The following C12orf42 variants were observed in gnomAD, a reference collection of about 807,000 sequenced individuals.
C12orf42 encodes the protein uncharacterized protein C12orf42.
In C12orf42, 25 loss-of-function variants were observed where a neutral mutation model predicts 21.6. That is an observed-to-expected ratio of 1.16 (90% confidence interval 0.84 to 1.62). C12orf42 has a LOEUF of 1.62. C12orf42 is among the 40% of genes most tolerant of loss of function. The pLI is 0.00. For missense variants in C12orf42, 483 were observed against 459.3 expected (o/e 1.05, Z -0.47); for synonymous variants, 174 against 175.0 (o/e 0.99, Z 0.05).
At chr12:103,054,898 C>T in the C12orf42 span, among the ~76,000 whole-genome samples, 6 of 151,852 alleles carry the variant, frequency 4.0e-5, no homozygotes, top group African/African-American at 1.4e-4. Context: ...AATATTGAAC[C>T]AGCCTTGCAT....
chr12:103,114,216 T>A, the C12orf42 span, among the ~76,000 whole-genome samples: 1 of 152,250 alleles, frequency 6.6e-6, no homozygotes, highest in African/African-American at 2.4e-5. Context: ...TTGACAGGTT[T>A]AAAATGTTCA....
At chr12:103,361,509 A>G (rs910137511) in intron 4 of C12orf42, among the ~76,000 whole-genome samples, 1 of 152,060 alleles carries the variant, frequency 6.6e-6, no homozygotes, top group Non-Finnish European at 1.5e-5. Flanking sequence ...TTCCAACCCA[A>G]TGCGAAATCT....
At chr12:103,410,868 A>G (rs2048791378) in intron 2 of C12orf42, among the ~76,000 whole-genome samples, 1 of 152,200 alleles carries the variant, frequency 6.6e-6, no homozygotes, top group South Asian at 2.1e-4. Flanking sequence ...AAGAGAAATC[A>G]ACGGTTACTG....
At chr12:103,408,002 T>C (rs190370112) in intron 2 of C12orf42, among the ~76,000 whole-genome samples, 149 of 152,268 alleles carry the variant, frequency 9.8e-4, no homozygotes, top group African/African-American at 3.4e-3. Flanking sequence ...ATCATCATCA[T>C]AGTAACAATG....
At chr12:103,104,540 A>G in the C12orf42 span, among the ~76,000 whole-genome samples, 1 of 152,164 alleles carries the variant, frequency 6.6e-6, no homozygotes, top group Non-Finnish European at 1.5e-5. Context: ...TCCTGGGTTC[A>G]AGCAATTCCC....
At chr12:103,302,695 A>AT (rs1371065412) in intron 5 of C12orf42, 136 bp from the exon 6 acceptor site, 8 of 689,254 alleles carry the variant, frequency 1.2e-5, no homozygotes, top group South Asian at 2.4e-5. Context: ...AAAAAAAAAA[A>AT]CCCTGACATG....
the C12orf42 span, among the ~76,000 whole-genome samples, chr12:103,123,761 A>T: frequency 7.2e-5 from 11 of 151,748 alleles, no homozygotes; most frequent in Non-Finnish European, 1.3e-4. Context: ...AATGTATTGC[A>T]TATATATTAA....
chr12:103,066,348 C>T, the C12orf42 span, among the ~76,000 whole-genome samples: 4 of 152,166 alleles, frequency 2.6e-5, no homozygotes, highest in African/African-American at 9.7e-5. Context: ...AAGTAAGTTA[C>T]ATGTGGAAGT....
the C12orf42 span, among the ~76,000 whole-genome samples, chr12:103,507,630 A>T: frequency 5.5e-3 from 828 of 151,154 alleles, 3 homozygotes; most frequent in Non-Finnish European, 9.0e-3. Context: ...AGTGAGCTAT[A>T]ATTGCACTAC....
rs530797073 is a variant in C12orf42, at chr12:103,327,647, A to G, written c.260-21302T>C. ...TGAAGTCACCAGATAAAACATTTTG[A>G]TTCTCTGGAGAAAGATAATATTTAC... On this transcript the variant is annotated intron_variant, in intron 4 of 5. Transcript: ENST00000548883. Among the ~76,000 whole-genome samples the G allele has an allele frequency of 1.5e-4, 23 of 152,326 alleles. No individual in the cohort carries two copies. The South Asian group carries it at 4.8e-3, about 32-fold the overall frequency.
chr12:103,083,318 C>G, the C12orf42 span, among the ~76,000 whole-genome samples: 1 of 152,060 alleles, frequency 6.6e-6, no homozygotes, highest in Non-Finnish European at 1.5e-5. Flanking sequence ...GAGCTGAGAT[C>G]GCGCCATTGC....
intron 4 of C12orf42, among the ~76,000 whole-genome samples, chr12:103,320,417 C>T (rs536343386): frequency 4.3e-4 from 65 of 152,168 alleles, no homozygotes; most frequent in African/African-American, 8.4e-4. Context: ...TAGTAAAGAC[C>T]GGTAAATCCA....
chr12:103,288,978 C>T (rs989363798), intron 4 of C12orf42, among the ~76,000 whole-genome samples: 13 of 152,048 alleles, frequency 8.5e-5, no homozygotes, highest in Admixed American at 3.9e-4. Context: ...TATCTTGGTT[C>T]GGTCTGTTGT....
chr12:103,424,160 C>G (rs148656354), intron 2 of C12orf42, among the ~76,000 whole-genome samples: 1 of 152,216 alleles, frequency 6.6e-6, no homozygotes, highest in African/African-American at 2.4e-5. Context: ...TGATTAAGAT[C>G]CCCCTGCACA....
chr12:103,495,345 G>A (rs1955453419), intron 1 of C12orf42, among the ~76,000 whole-genome samples: 1 of 152,166 alleles, frequency 6.6e-6, no homozygotes, highest in Non-Finnish European at 1.5e-5. Flanking sequence ...AGTAAAATGA[G>A]GTGAGCAGGG....
At chr12:103,159,274 C>T in the C12orf42 span, among the ~76,000 whole-genome samples, 2 of 152,182 alleles carry the variant, frequency 1.3e-5, no homozygotes, top group Non-Finnish European at 2.9e-5. Flanking sequence ...CACAGTCACA[C>T]GACTTTTTCT....
the C12orf42 span, among the ~76,000 whole-genome samples, chr12:103,211,624 T>A: frequency 6.6e-6 from 1 of 152,178 alleles, no homozygotes; most frequent in Non-Finnish European, 1.5e-5. Context: ...GAAGGTCAGT[T>A]CTCCAGCCTT....
intron 4 of C12orf42, among the ~76,000 whole-genome samples, chr12:103,293,340 C>T (rs2036944875): frequency 6.6e-6 from 1 of 152,014 alleles, no homozygotes; most frequent in African/African-American, 2.4e-5. Context: ...TTTGTAAGGA[C>T]CGTTTCCTCT....
At chr12:103,283,375 A>G (rs2036248660) in intron 4 of C12orf42, among the ~76,000 whole-genome samples, 1 of 152,172 alleles carries the variant, frequency 6.6e-6, no homozygotes, top group Admixed American at 6.5e-5. Context: ...TTCTGCTTTA[A>G]TCTACATTCT....
Sources: allele counts gnomAD v4.1 joint callset (sites outside exome capture counted in the v4.1 genomes callset), GRCh38; gene constraint gnomAD v4.1.1; transcripts MANE v1.5; gene names NCBI Gene and HGNC (gene_info 2026-07-23, HGNC 2026-07-21).